Variants in MTNAP1 observed in about 807,000 individuals in gnomAD.
MTNAP1 encodes mitochondrial nucleoid associated protein 1.
the MTNAP1 span, among the ~76,000 whole-genome samples, chr17:73,246,643 C>A: frequency 2.6e-5 from 4 of 152,198 alleles, no homozygotes; most frequent in African/African-American, 9.7e-5. Context: ...TTTTACCTAC[C>A]TTTTCTATTC....
At chr17:73,247,441 T>C in the MTNAP1 span, 1 of 1,195,980 alleles carries the variant, frequency 8.4e-7, no homozygotes, top group Non-Finnish European at 1.2e-6. Flanking sequence ...AGTGTAGTGG[T>C]AGCATTAAGG....
At chr17:73,241,838 A>C in the MTNAP1 span, among the ~76,000 whole-genome samples, 1 of 152,186 alleles carries the variant, frequency 6.6e-6, no homozygotes, top group Admixed American at 6.5e-5. Context: ...CTGAGGCAGG[A>C]GAATCACTCG....
At chr17:73,233,309 C>T in the MTNAP1 span, 1 of 152,248 alleles carries the variant, frequency 6.6e-6, no homozygotes, top group Non-Finnish European at 1.5e-5. Flanking sequence ...AACTAGCATC[C>T]TCCTGGAGGA....
At chr17:73,232,503 G>A in the MTNAP1 span, 6 of 495,786 alleles carry the variant, frequency 1.2e-5, no homozygotes, top group Admixed American at 7.6e-5. Context: ...CGGTATAAAA[G>A]TCAAGCCAGG....
At chr17:73,241,868 G>T in the MTNAP1 span, among the ~76,000 whole-genome samples, 1 of 152,178 alleles carries the variant, frequency 6.6e-6, no homozygotes, top group South Asian at 2.1e-4. Flanking sequence ...GGTAGAGGTT[G>T]CAGTGAGCCA....
At chr17:73,247,552 A>C in the MTNAP1 span, 1 of 523,006 alleles carries the variant, frequency 1.9e-6, no homozygotes. Context: ...CATAATGAAA[A>C]GGTTTAACTT....
At chr17:73,248,537 C>T in the MTNAP1 span, 1 of 1,551,660 alleles carries the variant, frequency 6.4e-7, no homozygotes, top group Non-Finnish European at 8.7e-7. Context: ...CCGAATCTTC[C>T]TGCAAGGTGC....
At chr17:73,235,376 C>A in the MTNAP1 span, 1 of 1,044,038 alleles carries the variant, frequency 9.6e-7, no homozygotes, top group Non-Finnish European at 1.4e-6. Context: ...TAGCAAACAT[C>A]TAGCTTGTTC....
the MTNAP1 span, among the ~76,000 whole-genome samples, chr17:73,246,098 G>C: frequency 2.6e-5 from 4 of 152,100 alleles, no homozygotes; most frequent in African/African-American, 9.7e-5. Flanking sequence ...AACGTTGATG[G>C]ATAAGTGTTT....
chr17:73,240,948 G>T, the MTNAP1 span, among the ~76,000 whole-genome samples: 1 of 152,222 alleles, frequency 6.6e-6, no homozygotes, highest in East Asian at 1.9e-4. Flanking sequence ...AAGCCAGCAT[G>T]ATTCTTTTCA....
the MTNAP1 span, chr17:73,248,327 C>T: frequency 9.1e-6 from 6 of 656,256 alleles, no homozygotes; most frequent in African/African-American, 3.6e-5. Flanking sequence ...AACTACTCAT[C>T]TCTTCACAGA....
chr17:73,232,797 TC>T, the MTNAP1 span: 43 of 154,344 alleles, frequency 2.8e-4, no homozygotes, highest in African/African-American at 8.7e-4. Context: ...GGGGAGACTC[TC>T]CTGAGCGGAG....
chr17:73,248,739 G>A, the MTNAP1 span: 1 of 556,294 alleles, frequency 1.8e-6, no homozygotes, highest in Non-Finnish European at 3.2e-6. Context: ...CGTGGTCTGT[G>A]TAAGTGGATT....
chr17:73,244,760 G>A, the MTNAP1 span: 1 of 158,794 alleles, frequency 6.3e-6, no homozygotes, highest in African/African-American at 2.4e-5. Context: ...TGAAATCAGT[G>A]CCTAGTGAGT....
At chr17:73,234,158 T>C in the MTNAP1 span, among the ~76,000 whole-genome samples, 4 of 152,194 alleles carry the variant, frequency 2.6e-5, no homozygotes, top group African/African-American at 9.6e-5. Flanking sequence ...GCTAGGTTTT[T>C]ACATACAGCT....
the MTNAP1 span, chr17:73,243,008 GTCTT>G: frequency 3.7e-6 from 6 of 1,604,906 alleles, no homozygotes; most frequent in East Asian, 2.2e-5. Flanking sequence ...GTCTGAGTAA[GTCTT>G]TCTATATTTC....
the MTNAP1 span, among the ~76,000 whole-genome samples, chr17:73,234,560 G>A: frequency 1.3e-5 from 2 of 151,614 alleles, no homozygotes; most frequent in African/African-American, 2.4e-5. Context: ...GCGTGGTGGC[G>A]CATGCCTGTA....
the MTNAP1 span, chr17:73,235,581 A>G: frequency 6.2e-7 from 1 of 1,614,200 alleles, no homozygotes; most frequent in South Asian, 1.1e-5. Context: ...TGATAGGACC[A>G]ACCATACCTA....
the MTNAP1 span, chr17:73,237,112 G>A: frequency 9.3e-7 from 1 of 1,075,632 alleles, no homozygotes; most frequent in Non-Finnish European, 1.3e-6. Flanking sequence ...TTTCACCTAG[G>A]CATGCCAGTA....
Sources: allele counts gnomAD v4.1 joint callset (sites outside exome capture counted in the v4.1 genomes callset), GRCh38; gene constraint gnomAD v4.1.1; transcripts MANE v1.5; gene names NCBI Gene and HGNC (gene_info 2026-07-23, HGNC 2026-07-21).